MARK1: variants seen among roughly 807,000 people sequenced by gnomAD.
MARK1 encodes microtubule affinity regulating kinase 1, also known as serine/threonine-protein kinase MARK1.
A neutral mutation model predicts 96.3 loss-of-function variants in MARK1; 40 were observed. That is an observed-to-expected ratio of 0.42 (90% CI 0.32 to 0.54). The LOEUF is 0.54. Ranked by LOEUF, MARK1 falls within the 20% of genes least tolerant of loss-of-function variation. MARK1 has a pLI of 0.16. For synonymous variants in MARK1, 317 were observed against 341.2 expected (o/e 0.93, Z 0.78); for missense variants, 719 against 984.6 (o/e 0.73, Z 3.61).
chr1:220,616,371 A>C (rs748513016), intron 7 of MARK1, among the ~76,000 whole-genome samples: 7 of 152,192 alleles, frequency 4.6e-5, no homozygotes, highest in Non-Finnish European at 7.3e-5. Flanking sequence ...CTTAAAGCTC[A>C]AAGAACTAAG....
rs538891670 is a variant in MARK1 at position 220,545,497 on chromosome 1, C to T, written c.51+16624C>T. The stretch of plus-strand genomic sequence containing the variant: ...TCTTGCTCAGGCTAGAGTGCAGTAG[C>T]GTGATCACAGCTCACTGCAGTCTTG... On this transcript the variant is annotated intron_variant, in intron 1 of 17. Coordinates refer to ENST00000366917, the MANE Select transcript of MARK1 (RefSeq NM_018650.5). Among the ~76,000 whole-genome samples the T allele has an allele frequency of 7.2e-5, 9 of 124,816 alleles. No individual in the cohort carries two copies. The South Asian group carries it at 8.0e-4, about 11-fold the overall frequency. The allele number at this position is 124,816 out of a possible 152,430, so 81.9% of individuals were successfully genotyped here.
rs1489434074 is a variant in MARK1 at position 220,613,246 on chromosome 1, CAG to C, written c.496-2691_496-2690del. ...TCAGAAGGCAGAACTTCTTTCATGG[CAG>C]AAATTGTTCCCTGCTAAGCAAATGT... is the stretch of plus-strand genomic sequence containing the variant. On this transcript the variant is annotated intron_variant, in intron 6 of 17. Coordinates refer to ENST00000366917, the MANE Select transcript of MARK1 (RefSeq NM_018650.5). 2.0e-5 allele frequency among the ~76,000 whole-genome samples: 3 copies of C among 152,222 alleles called. No individual in the cohort carries two copies. In the East Asian group the frequency reaches 5.8e-4, roughly 29 times the overall value.
intron 11 of MARK1, among the ~76,000 whole-genome samples, chr1:220,632,618 A>G (rs1667734749): frequency 6.6e-6 from 1 of 152,218 alleles, no homozygotes; most frequent in South Asian, 2.1e-4. Context: ...CAAAGGTAAT[A>G]TGGTTATTCC....
intron 9 of MARK1, chr1:220,627,327 A>G (rs1667403547): frequency 2.0e-6 from 1 of 502,380 alleles, no homozygotes; most frequent in East Asian, 5.8e-5. Context: ...AAGCCAAGAG[A>G]GTCAAAACAG....
chr1:220,623,359 A>G (rs1371478007), intron 9 of MARK1, among the ~76,000 whole-genome samples: 1 of 152,202 alleles, frequency 6.6e-6, no homozygotes, highest in South Asian at 2.1e-4. Flanking sequence ...CCTTTCATGT[A>G]TCCATACTTC....
At chr1:220,541,243 T>C (rs1558245537) in intron 1 of MARK1, among the ~76,000 whole-genome samples, 1 of 152,184 alleles carries the variant, frequency 6.6e-6, no homozygotes, top group South Asian at 2.1e-4. Context: ...TCTTATTCTT[T>C]AACGTAGGTG....
chr1:220,655,902 C>T (rs1225249553), intron 16 of MARK1, among the ~76,000 whole-genome samples: 1 of 152,166 alleles, frequency 6.6e-6, no homozygotes, highest in Non-Finnish European at 1.5e-5. Flanking sequence ...CTTGCTGCTT[C>T]CACACCAGCC....
chr1:220,623,832 C>T lies in MARK1; in HGVS notation c.909+5077C>T, dbSNP rs148710773. Among the ~76,000 whole-genome samples, 70 of 152,312 alleles carry T rather than the reference C, an allele frequency of 4.6e-4. No homozygotes were observed. In the Middle Eastern group the frequency reaches 0.017, roughly 37 times the overall value. On this transcript the variant is annotated intron_variant, in intron 9 of 17. Coordinates refer to ENST00000366917, the MANE Select transcript of MARK1 (RefSeq NM_018650.5). ...AAAGAAGGGTGCCTCCTCACTGTTC[C>T]TCACATCCTTCTGCCATGACTTTGC...
intron 11 of MARK1, 138 bp from the exon 12 acceptor site, chr1:220,635,238 C>G: frequency 1.3e-6 from 1 of 766,910 alleles, no homozygotes; most frequent in Non-Finnish European, 2.0e-6. Flanking sequence ...GTTCTAGGCC[C>G]AATACTACAC....
chr1:220,551,547 C>G (rs1420187082), intron 1 of MARK1, among the ~76,000 whole-genome samples: 1 of 152,166 alleles, frequency 6.6e-6, no homozygotes, highest in Non-Finnish European at 1.5e-5. Context: ...TTTAGCCTAA[C>G]ATGATACAAA....
At chr1:220,605,554 T>C (rs1042774933) in intron 6 of MARK1, among the ~76,000 whole-genome samples, 1 of 152,042 alleles carries the variant, frequency 6.6e-6, no homozygotes, top group Non-Finnish European at 1.5e-5. Context: ...TCAGGGTACA[T>C]GTGCACAACA....
intron 6 of MARK1, among the ~76,000 whole-genome samples, chr1:220,610,405 C>A (rs1666372981): frequency 6.6e-6 from 1 of 152,172 alleles, no homozygotes; most frequent in African/African-American, 2.4e-5. Flanking sequence ...TCCATCAGGT[C>A]ATTTAAGGTC....
chr1:220,648,077 GAAAC>G (rs1462018352), intron 13 of MARK1, among the ~76,000 whole-genome samples: 10 of 149,506 alleles, frequency 6.7e-5, no homozygotes, highest in Admixed American at 5.3e-4. Flanking sequence ...AAAAAAAAAA[GAAAC>G]AACATTTTAA....
At chr1:220,577,474 C>G (rs984827621) in intron 1 of MARK1, among the ~76,000 whole-genome samples, 1 of 152,134 alleles carries the variant, frequency 6.6e-6, no homozygotes, top group Non-Finnish European at 1.5e-5. Flanking sequence ...TATTTTACTC[C>G]TTCTTACATT....
In MARK1 at chr1:220,543,095, G is replaced by A. The variant is rs61271046; in HGVS notation, c.51+14222G>A. Among the ~76,000 whole-genome samples, 378 of 152,214 alleles carry A rather than the reference G, an allele frequency of 2.5e-3. 2 individuals carry two copies. The highest frequency in any genetic ancestry group is 8.5e-3 in the African/African-American group (352 of 41,536). On this transcript the variant is annotated intron_variant, in intron 1 of 17. Transcript: ENST00000366917. ...TGATTAATTTTCAAGAATGGCTCAGGCAAAGTGGAAATCTAACAGAACTTT... is the reference window on the plus strand; with the variant it reads ...TGATTAATTTTCAAGAATGGCTCAGACAAAGTGGAAATCTAACAGAACTTT...
At chr1:220,581,040 G>C in intron 2 of MARK1, 25 bp from the exon 3 acceptor site, 2 of 1,052,066 alleles carry the variant, frequency 1.9e-6, no homozygotes, top group Middle Eastern at 4.6e-4. Flanking sequence ...TTTTCAAATA[G>C]AGTTTAATGA....
intron 3 of MARK1, among the ~76,000 whole-genome samples, chr1:220,588,321 T>C (rs1183203600): frequency 1.3e-5 from 2 of 152,222 alleles, no homozygotes; most frequent in African/African-American, 2.4e-5. Context: ...ATTATAAGAC[T>C]TATAATCTTC....
At chr1:220,547,282 A>C (rs1661568948) in intron 1 of MARK1, among the ~76,000 whole-genome samples, 1 of 152,248 alleles carries the variant, frequency 6.6e-6, no homozygotes, top group Non-Finnish European at 1.5e-5. Flanking sequence ...ACTAGTAGCC[A>C]CTGTTTAAAC....
At chr1:220,633,245 G>C (rs1484121120) in intron 11 of MARK1, among the ~76,000 whole-genome samples, 3 of 152,122 alleles carry the variant, frequency 2.0e-5, no homozygotes, top group African/African-American at 7.2e-5. Flanking sequence ...GATTTGGAGG[G>C]GACAGAGCAT....
Sources: gnomAD v4.1 joint callset for allele counts (sites outside exome capture counted in the v4.1 genomes callset) on GRCh38, gnomAD v4.1.1 for gene constraint, MANE v1.5 for transcripts, NCBI Gene and HGNC (gene_info 2026-07-23, HGNC 2026-07-21) for gene names.